Variants in SORCS3 observed in about 807,000 individuals in gnomAD.
The protein encoded by SORCS3 is VPS10 domain-containing receptor SorCS3.
A neutral mutation model predicts 146.3 loss-of-function variants in SORCS3; 57 were observed. That is an observed-to-expected ratio of 0.39 (90% CI 0.31 to 0.49). SORCS3 has a LOEUF of 0.49. Ranked by LOEUF, SORCS3 falls within the 20% of genes least tolerant of loss-of-function variation. SORCS3 has a pLI of 0.92. For missense variants in SORCS3, 1,341 were observed against 1,575.5 expected, an observed-to-expected ratio of 0.85 and a Z score of 2.52; for synonymous variants, 653 against 618.5, an observed-to-expected ratio of 1.06 and a Z score of -0.83.
At chr10:105,254,669 C>T (rs1338931374) in intron 23 of SORCS3, among the ~76,000 whole-genome samples, 6 of 151,612 alleles carry the variant, frequency 4.0e-5, no homozygotes, top group East Asian at 2.0e-4. Flanking sequence ...CGTGGTGGCA[C>T]GTGCCTATAA....
chr10:105,160,753 A>G (rs1163928636), intron 11 of SORCS3, among the ~76,000 whole-genome samples: 1 of 152,358 alleles, frequency 6.6e-6, no homozygotes, highest in African/African-American at 2.4e-5. Flanking sequence ...AGAAGAATAT[A>G]ATGTGCTCAT....
intron 5 of SORCS3, among the ~76,000 whole-genome samples, chr10:105,076,448 T>C (rs544047408): frequency 1.3e-5 from 2 of 152,312 alleles, no homozygotes; most frequent in South Asian, 4.1e-4. Context: ...CTATGGCCTT[T>C]ATAAACCTGT....
intron 2 of SORCS3, among the ~76,000 whole-genome samples, chr10:104,871,346 C>T (rs1322998104): frequency 6.6e-6 from 1 of 152,154 alleles, no homozygotes; most frequent in Non-Finnish European, 1.5e-5. Flanking sequence ...GGAAAGTCCG[C>T]TCCTAAACTA....
At chr10:105,004,242 C>T (rs928310102) in intron 4 of SORCS3, among the ~76,000 whole-genome samples, 2 of 152,126 alleles carry the variant, frequency 1.3e-5, no homozygotes, top group African/African-American at 2.4e-5. Context: ...TGATGCTGTA[C>T]CAGCCAGGCT....
intron 14 of SORCS3, 79 bp downstream of exon 14, chr10:105,178,252 A>G (rs2056420435): frequency 9.5e-6 from 11 of 1,162,248 alleles, no homozygotes; most frequent in South Asian, 1.5e-5. Flanking sequence ...GATTTTTCCC[A>G]GGGAACCCTA....
At chr10:105,044,616 C>T (rs2055357072) in intron 5 of SORCS3, among the ~76,000 whole-genome samples, 1 of 151,986 alleles carries the variant, frequency 6.6e-6, no homozygotes, top group Admixed American at 6.6e-5. Context: ...CAACCCATTC[C>T]GTCTGCATCC....
intron 1 of SORCS3, among the ~76,000 whole-genome samples, chr10:104,728,021 T>TTCTA (rs56299885): frequency 0.11 from 15,608 of 146,588 alleles, 826 homozygotes; most frequent in East Asian, 0.15. Context: ...TATATAACAG[T>TTCTA]TCTATCTATC....
intron 1 of SORCS3, among the ~76,000 whole-genome samples, chr10:104,828,684 A>G (rs1048493249): frequency 3.9e-5 from 6 of 152,166 alleles, no homozygotes. Flanking sequence ...AGAAAACCAC[A>G]GTATCTGTGA....
intron 3 of SORCS3, among the ~76,000 whole-genome samples, chr10:104,940,224 ATATATATATATATATTTT>A (rs1349911972): frequency 0.031 from 812 of 25,856 alleles, 16 homozygotes; most frequent in African/African-American, 0.069. Context: ...ATATATATAT[ATATATATATATATATTTT>A]TTTTTTTTTT....
chr10:104,658,829 C>CTT, intron 1 of SORCS3, among the ~76,000 whole-genome samples: 1 of 150,102 alleles, frequency 6.7e-6, no homozygotes, highest in East Asian at 2.0e-4. Context: ...TAAATAAGCA[C>CTT]TTTTTTTTTG....
intron 20 of SORCS3, among the ~76,000 whole-genome samples, chr10:105,241,684 A>G (rs1050136942): frequency 1.3e-5 from 2 of 152,104 alleles, no homozygotes; most frequent in African/African-American, 4.8e-5. Flanking sequence ...GGAGCTGGAG[A>G]GGGGACAAGA....
At chr10:104,812,361 C>G (rs1474985306) in intron 1 of SORCS3, among the ~76,000 whole-genome samples, 1 of 152,130 alleles carries the variant, frequency 6.6e-6, no homozygotes, top group Non-Finnish European at 1.5e-5. Flanking sequence ...TAGTTATTTC[C>G]AAGATTTTGT....
At chr10:104,943,561 A>G (rs1005639514) in intron 3 of SORCS3, among the ~76,000 whole-genome samples, 3 of 152,216 alleles carry the variant, frequency 2.0e-5, no homozygotes, top group East Asian at 3.8e-4. Flanking sequence ...ATTCTTGAAA[A>G]CATTTCAAGG....
At chr10:104,678,880 C>T (rs1032885411) in intron 1 of SORCS3, among the ~76,000 whole-genome samples, 1 of 152,160 alleles carries the variant, frequency 6.6e-6, no homozygotes, top group Non-Finnish European at 1.5e-5. Flanking sequence ...ACAAGAGAAT[C>T]ATTCACTGAG....
intron 7 of SORCS3, among the ~76,000 whole-genome samples, chr10:105,121,542 C>G (rs1442264319): frequency 6.6e-6 from 1 of 152,096 alleles, no homozygotes; most frequent in Non-Finnish European, 1.5e-5. Flanking sequence ...AATTGGTATT[C>G]CCAGATACTT....
chr10:105,115,126 A>G (rs1173409400), intron 7 of SORCS3, among the ~76,000 whole-genome samples: 1 of 152,106 alleles, frequency 6.6e-6, no homozygotes, highest in East Asian at 1.9e-4. Flanking sequence ...TGTGGAGAAA[A>G]CAGCCCTGAC....
Position 104,903,554 on chromosome 10 carries a change from G to C in SORCS3, c.696-12279G>C, listed in dbSNP as rs751627002. 1.2e-4 allele frequency among the ~76,000 whole-genome samples: 18 copies of C among 152,266 alleles called. No individual in the cohort carries two copies. In the Middle Eastern group the frequency reaches 0.01, roughly 86 times the overall value. ...GAGAGGAGATTCGCGACTGGGCATA[G>C]ATTTAACAATAATAAAAAAAGGCAT... On this transcript the variant is annotated intron_variant, in intron 2 of 26. Transcript: ENST00000369701.
intron 1 of SORCS3, among the ~76,000 whole-genome samples, chr10:104,828,273 T>A (rs1233388839): frequency 6.6e-6 from 1 of 152,172 alleles, no homozygotes; most frequent in Non-Finnish European, 1.5e-5. Flanking sequence ...TGACTCTTCC[T>A]TTTACTCAAA....
At chr10:105,237,691 G>A (rs1420249226) in intron 20 of SORCS3, among the ~76,000 whole-genome samples, 1 of 152,086 alleles carries the variant, frequency 6.6e-6, no homozygotes, top group Non-Finnish European at 1.5e-5. Context: ...AGAGCTGTTT[G>A]GTTCCCTTTG....
Sources: allele counts gnomAD v4.1 joint callset (sites outside exome capture counted in the v4.1 genomes callset), GRCh38; gene constraint gnomAD v4.1.1; transcripts MANE v1.5; gene names NCBI Gene and HGNC (gene_info 2026-07-23, HGNC 2026-07-21).